Variants in TAGAP observed in about 807,000 individuals in gnomAD.
TAGAP encodes T cell activation RhoGTPase activating protein.
Under a neutral mutation model 36.0 loss-of-function variants are expected in TAGAP, and 16 were observed. The ratio of observed to expected loss-of-function variants is 0.44; its 90% confidence interval spans 0.30 to 0.68. The LOEUF is 0.68. Among genes scored for constraint, TAGAP ranks in the 30% least tolerant of loss-of-function variants. TAGAP has a pLI of 0.09. For missense variants in TAGAP, 794 were observed against 921.5 expected (o/e 0.86, Z 1.79); for synonymous variants, 372 against 377.4 (o/e 0.99, Z 0.17).
In TAGAP at chr6:159,041,403, G is replaced by A. The variant is rs746865393; in HGVS notation, c.428C>T (p.Ala143Val). Residue 143 changes from alanine to valine, a missense_variant, in exon 6 of 10, where the codon GCG (alanine) becomes GTG (valine). Physicochemically the swap from Ala to Val is moderately conservative, Grantham distance 64 (BLOSUM62 0). Transcript: ENST00000367066. The surrounding 1 kb of genome is among the most constrained non-coding windows in gnomAD (Gnocchi z 4.1). ...ELKEELNSGD[A>V]VDLERLPVHL... ...CACGGGGAGCCTCTCCAGATCCACC[G>A]CATCCCCAGAGTTGAGCTCCTCCTT... 24 of 1,614,066 alleles carry A rather than the reference G, an allele frequency of 1.5e-5. No individual in the cohort carries two copies. The highest frequency in any genetic ancestry group is 1.9e-5 in the Non-Finnish European group (23 of 1,179,984).
Position 159,044,776 on chromosome 6 carries a change from A to G in TAGAP, c.-59+103T>C, listed in dbSNP as rs574507377. 47 of 395,302 alleles carry G rather than the reference A, an allele frequency of 1.2e-4. No individual in the cohort carries two copies. The Admixed American group carries it at 1.4e-3, about 12-fold the overall frequency. The allele number at this position is 395,302 out of a possible 1,614,324, so 24.5% of individuals were successfully genotyped here. On this transcript the variant is annotated intron_variant, in intron 1 of 9. Coordinates refer to ENST00000367066, the MANE Select transcript of TAGAP (RefSeq NM_054114.5). ...TCCTGAGACTTTATAAAGTGAGAGC[A>G]TATTCCACGGGATAGCTGTTTTCTG...
rs530911342 is a variant in TAGAP, at chr6:159,044,112, G to A, written c.27+8C>T. The A allele has an allele frequency of 5.6e-6, 9 of 1,613,804 alleles. No homozygotes were observed. The highest frequency in any genetic ancestry group is 6.8e-6 in the Non-Finnish European group (8 of 1,179,964). ...ACGTGAATGAATGAATGTGAGAGGG[G>A]CACTCACAGCATTGTGGCTGCTTCT... On this transcript the variant is annotated splice_region_variant and intron_variant, in intron 2 of 9. Transcript: ENST00000367066.
rs941449881 is a variant in TAGAP, at chr6:159,034,801, T to A, written c.*1026A>T. The A allele has an allele frequency of 6.6e-6, 1 of 152,198 alleles. No individual in the cohort carries two copies. The highest frequency in any genetic ancestry group is 1.5e-5 in the Non-Finnish European group (1 of 68,034). The allele number at this position is 152,198 out of a possible 1,614,324, so 9.4% of individuals were successfully genotyped here. On this transcript the variant is annotated 3_prime_UTR_variant, in exon 10 of 10. Transcript: ENST00000367066. ...AAATGGCTTAAAGTAGGTGCTTTTT[T>A]AATGGTTTTGCAAATTCTGGAGAAC...
intron 6 of TAGAP, 44 bp from the exon 7 acceptor site, chr6:159,040,876 T>C: frequency 6.9e-7 from 1 of 1,453,556 alleles, no homozygotes; most frequent in South Asian, 1.1e-5. Context: ...TACTGTATGA[T>C]GTCCCATGTC....
rs1562585147 is a variant in TAGAP at position 159,037,261 on chromosome 6, G to C, written c.899-137C>G. 2.8e-6 allele frequency: 2 copies of C among 707,118 alleles called. No individual in the cohort carries two copies. 43.8% of individuals were successfully genotyped at this position (707,118 alleles called of 1,614,324 possible). A position where few individuals can be genotyped will look rare whatever the true frequency, so the allele number is the denominator to read the frequency against. ...GGCTGGAGTGCAGTGATGTGATCTC[G>C]GCTCACTGCAACCTCTACCTCCCGG... On this transcript the variant is annotated intron_variant, in intron 9 of 9. Transcript: ENST00000367066. The surrounding 1 kb of genome is among the most constrained non-coding windows in gnomAD (Gnocchi z 5.1).
At chr6:159,038,057 G>T (rs568144827) in intron 9 of TAGAP, 57 bp downstream of exon 9, 148 of 1,131,834 alleles carry the variant, frequency 1.3e-4, no homozygotes, top group Non-Finnish European at 1.9e-4. Flanking sequence ...TACATGACTG[G>T]CAGACTGGCA....
intron 6 of TAGAP, 122 bp from the exon 7 acceptor site, chr6:159,040,954 CT>C (rs1263320720): frequency 1.4e-6 from 1 of 712,730 alleles, no homozygotes; most frequent in East Asian, 2.7e-5. Flanking sequence ...GATTGTGGCC[CT>C]TCATTCCTGC....
At chr6:159,038,087 G>A (rs748287566) in intron 9 of TAGAP, 27 bp downstream of exon 9, 21 of 1,461,404 alleles carry the variant, frequency 1.4e-5, no homozygotes, top group South Asian at 5.9e-5. Flanking sequence ...CCCTACAATC[G>A]TAATCAAATG....
rs559846736 is a variant in TAGAP at position 159,038,265 on chromosome 6, CTTTTTTTTTTT to C, written c.784-48_784-38del. ...AGTAAGCAATTTGTCAGCTTGAAGA[CTTTTTTTTTTT>C]TTTTTTTTTTTTGGAGGTGAGGAAG... On this transcript the variant is annotated intron_variant, in intron 8 of 9. Coordinates refer to ENST00000367066, the MANE Select transcript of TAGAP (RefSeq NM_054114.5). 7.5e-3 allele frequency: 3,430 copies of C among 459,780 alleles called. 14 individuals carry two copies. The highest frequency in any genetic ancestry group is 9.1e-3 in the Non-Finnish European group (2,404 of 264,530). 28.5% of individuals were successfully genotyped at this position (459,780 alleles called of 1,614,324 possible). A position where few individuals can be genotyped will look rare whatever the true frequency, so the allele number is the denominator to read the frequency against.
rs758932155 is a variant in TAGAP, at chr6:159,036,788, C to T, written c.1235G>A (p.Arg412His). Residue 412 changes from arginine to histidine, a missense_variant, in exon 10 of 10, where the codon CGT (arginine) becomes CAT (histidine). By Grantham distance (29) the Arg-to-His change is conservative (BLOSUM62 0). Coordinates refer to ENST00000367066, the MANE Select transcript of TAGAP (RefSeq NM_054114.5). This position sits in a 1 kb window ranked among gnomAD's most constrained non-coding sequence, Gnocchi z 4.9. Reference sequence around the variant, plus strand: ...GTCTTCAGCCTCCTCACTTTCCAAACGAGAGCCTACCCGGGGCACGGGGAA... The same window carrying T: ...GTCTTCAGCCTCCTCACTTTCCAAATGAGAGCCTACCCGGGGCACGGGGAA... ...GDFPVPRVGS[R>H]LESEEAEDPF... The T allele has an allele frequency of 8.7e-6, 14 of 1,614,096 alleles. No individual in the cohort carries two copies. Among genetic ancestry groups the T allele is most frequent in the Admixed American group, 3.3e-5 (2 of 60,010 alleles).
rs969045041 is a variant in TAGAP, at chr6:159,039,409, G to A, written c.588-100C>T. ...CGAAACCAGACTTCCTTTAAAATGA[G>A]GAAGGTGCATTTTCACAAGTAATAT... is the stretch of plus-strand genomic sequence containing the variant. On this transcript the variant is annotated intron_variant, in intron 7 of 9. Transcript: ENST00000367066. 1.4e-5 allele frequency: 18 copies of A among 1,261,612 alleles called. No individual in the cohort carries two copies. In the East Asian group the frequency reaches 4.3e-4, roughly 30 times the overall value. The allele number at this position is 1,261,612 out of a possible 1,614,324, so 78.2% of individuals were successfully genotyped here. A position where few individuals can be genotyped will look rare whatever the true frequency, so the allele number is the denominator to read the frequency against.
Position 159,036,895 on chromosome 6 carries a change from G to T in TAGAP, c.1128C>A (p.Tyr376Ter). 1 of 1,614,244 alleles carries T rather than the reference G, an allele frequency of 6.2e-7. No individual in the cohort carries two copies. Among genetic ancestry groups the T allele is most frequent in the Non-Finnish European group, 8.5e-7 (1 of 1,180,038 alleles). The change falls in exon 10 of 10, where the codon TAC (tyrosine) becomes TAA (stop). Residue 376 changes from tyrosine (Y) to a stop codon, truncating the protein, a stop_gained. Coordinates refer to ENST00000367066, the MANE Select transcript of TAGAP (RefSeq NM_054114.5). LOFTEE classifies it low-confidence loss of function (END_TRUNC). This position sits in a 1 kb window ranked among gnomAD's most constrained non-coding sequence, Gnocchi z 4.9. ...GGGAGGATGGCATGCTGGGCTCTGA[G>T]TATCTCCTATCGGGCTGTGCGAGGG... is the stretch of plus-strand genomic sequence containing the variant. ...KSSLAQPDRR[Y>*]SEPSMPSSQE...
rs780528295 is a variant in TAGAP, at chr6:159,043,974, T to C, written c.81+4A>G. ...ATAAAAAGTCTTAAAAATTGCTTTCTTACCTCTGATTGACATTCGATTAGT... is the reference window on the plus strand; with the variant it reads ...ATAAAAAGTCTTAAAAATTGCTTTCCTACCTCTGATTGACATTCGATTAGT... On this transcript the variant is annotated splice_donor_region_variant and intron_variant, in intron 3 of 9. Coordinates refer to ENST00000367066, the MANE Select transcript of TAGAP (RefSeq NM_054114.5). 4.8e-5 allele frequency: 77 copies of C among 1,612,906 alleles called. No homozygotes were observed. The highest frequency in any genetic ancestry group is 4.3e-4 in the Admixed American group (26 of 59,822).
At chr6:159,040,275 G>GC (rs1196978371) in intron 7 of TAGAP, among the ~76,000 whole-genome samples, 12 of 152,108 alleles carry the variant, frequency 7.9e-5, no homozygotes, top group African/African-American at 2.2e-4. Flanking sequence ...CAAAACAACT[G>GC]CCCCCCACCA....
Position 159,041,977 on chromosome 6 carries a change from A to G in TAGAP, c.315+101T>C. On this transcript the variant is annotated intron_variant, in intron 5 of 9. Transcript: ENST00000367066. The surrounding 1 kb of genome is among the most constrained non-coding windows in gnomAD (Gnocchi z 4.1). ...TGAAGAGTGGAAAATATGGAAGATC[A>G]GTCCCTACAAACTTAATAGGAGAAT... 7.7e-7 allele frequency: 1 copy of G among 1,300,646 alleles called. No individual in the cohort carries two copies. The highest frequency in any genetic ancestry group is 1.1e-6 in the Non-Finnish European group (1 of 933,996). The allele number at this position is 1,300,646 out of a possible 1,614,324, so 80.6% of individuals were successfully genotyped here. A position where few individuals can be genotyped will look rare whatever the true frequency, so the allele number is the denominator to read the frequency against.
chr6:159,039,076 C>T, intron 8 of TAGAP, 38 bp downstream of exon 8: 6 of 1,613,132 alleles, frequency 3.7e-6, no homozygotes, highest in Non-Finnish European at 5.1e-6. Flanking sequence ...ATGGTGAGAT[C>T]ATAAGTTGGG....
chr6:159,043,547 GT>G, intron 4 of TAGAP, 41 bp downstream of exon 4: 1 of 1,593,316 alleles, frequency 6.3e-7, no homozygotes, highest in Non-Finnish European at 8.6e-7. Flanking sequence ...AGCACTGGTT[GT>G]TAGCACTTAC....
rs1212483966 is a variant in TAGAP at position 159,036,158 on chromosome 6, C to T, written c.1865G>A (p.Ser622Asn). Residue 622 changes from serine to asparagine, a missense_variant, in exon 10 of 10, where the codon AGC (serine) becomes AAC (asparagine). By Grantham distance (46) the Ser-to-Asn change is conservative. Coordinates refer to ENST00000367066, the MANE Select transcript of TAGAP (RefSeq NM_054114.5). The surrounding 1 kb of genome is among the most constrained non-coding windows in gnomAD (Gnocchi z 4.9). ...SQTVGSMTVG[S>N]MRARMLEAHC... is the part of the protein sequence containing the mutation. ...CGCCTCCAGCATCCTCGCCCTCATG[C>T]TCCCCACCGTCATGCTCCCCACGGT... is the stretch of plus-strand genomic sequence containing the variant. 3 of 1,612,846 alleles carry T rather than the reference C, an allele frequency of 1.9e-6. No individual in the cohort carries two copies. In the South Asian group the frequency reaches 3.3e-5, roughly 18 times the overall value.
intron 4 of TAGAP, 58 bp from the exon 5 acceptor site, chr6:159,042,302 G>T (rs558891641): frequency 6.7e-5 from 104 of 1,558,628 alleles, no homozygotes; most frequent in Non-Finnish European, 8.7e-5. Flanking sequence ...AAGAAGCAAA[G>T]ATCCAGGTAA....
Sources: gnomAD v4.1 joint callset for allele counts (sites outside exome capture counted in the v4.1 genomes callset) on GRCh38, gnomAD v4.1.1 for gene constraint, Gnocchi (gnomAD v3.1) non-coding constraint, MANE v1.5 for transcripts, NCBI Gene and HGNC (gene_info 2026-07-23, HGNC 2026-07-21) for gene names.